MAGI2: variants seen among roughly 807,000 people sequenced by gnomAD.
MAGI2 encodes membrane associated guanylate kinase, WW and PDZ domain containing 2.
MAGI2 carries 35 observed loss-of-function variants against 133.3 expected under a neutral mutation model. That is an observed-to-expected ratio of 0.26 (90% CI 0.20 to 0.35). The LOEUF is 0.35. Ranked by LOEUF, MAGI2 falls within the 10% of genes least tolerant of loss-of-function variation. The pLI is 1.00. For missense variants in MAGI2, 1,636 were observed against 1,863.4 expected, an observed-to-expected ratio of 0.88 and a Z score of 2.25; for synonymous variants, 729 against 710.6, an observed-to-expected ratio of 1.03 and a Z score of -0.41.
At chr7:78,279,666 C>A (rs759866675) in intron 9 of MAGI2, among the ~76,000 whole-genome samples, 3 of 151,930 alleles carry the variant, frequency 2.0e-5, no homozygotes, top group Admixed American at 6.6e-5. Flanking sequence ...TGTTCAGATC[C>A]CTCTGAGTGG....
chr7:78,070,273 A>G (rs186787133), intron 21 of MAGI2, among the ~76,000 whole-genome samples: 42 of 145,134 alleles, frequency 2.9e-4, no homozygotes, highest in African/African-American at 9.9e-4. Flanking sequence ...ATCATTTTCT[A>G]TTACGCAGTG....
Position 78,986,680 on chromosome 7 carries a change from C to T in MAGI2, c.418+20410G>A, listed in dbSNP as rs552580125. The stretch of plus-strand genomic sequence containing the variant: ...GGGATTACAGGCATGAGCTACCATG[C>T]CCGGCCATATAGAGAACCCTAGAGT... On this transcript the variant is annotated intron_variant, in intron 2 of 21. Transcript: ENST00000354212. 5.9e-5 allele frequency among the ~76,000 whole-genome samples: 9 copies of T among 152,036 alleles called. No homozygotes were observed. The South Asian group carries it at 1.9e-3, about 32-fold the overall frequency.
At chr7:79,052,584 G>A (rs780517517) in intron 1 of MAGI2, among the ~76,000 whole-genome samples, 9 of 152,128 alleles carry the variant, frequency 5.9e-5, no homozygotes, top group Admixed American at 1.3e-4. Context: ...CAACTTGACC[G>A]CGTCGCTTGC....
rs186622849 is a variant in MAGI2, at chr7:78,996,296, C to T, written c.418+10794G>A. Among the ~76,000 whole-genome samples the T allele has an allele frequency of 5.6e-3, 852 of 152,226 alleles. 1 individual carries two copies. The highest frequency in any genetic ancestry group is 9.2e-3 in the Non-Finnish European group (625 of 68,030). ...TAAGATGTATGTCACCTAATGTTAA[C>T]TTTGTGGTCTAAACTGTTGAGCTAT... On this transcript the variant is annotated intron_variant, in intron 2 of 21. Transcript: ENST00000354212.
chr7:78,077,723 ATGT>A lies in MAGI2; in HGVS notation c.3706+1221_3706+1223del, dbSNP rs1336036299. Among the ~76,000 whole-genome samples the A allele has an allele frequency of 1.7e-4, 16 of 95,978 alleles. 1 individual carries two copies. The highest frequency in any genetic ancestry group is 7.2e-4 in the African/African-American group (14 of 19,426). 63.0% of individuals were successfully genotyped at this position (95,978 alleles called of 152,430 possible). On this transcript the variant is annotated intron_variant, in intron 21 of 21. Transcript: ENST00000354212. ...TCTGAAATGAAAAGTACTCTTTAGA[ATGT>A]TTTTTTTTTTTTTTTTTTTTGAGAC...
intron 2 of MAGI2, among the ~76,000 whole-genome samples, chr7:78,662,367 T>G (rs1467366140): frequency 6.6e-6 from 1 of 152,184 alleles, no homozygotes; most frequent in Admixed American, 6.5e-5. Flanking sequence ...TTTTCTTACT[T>G]CTATGTTGCT....
chr7:79,446,391 A>G (rs1848854563), intron 1 of MAGI2, among the ~76,000 whole-genome samples: 1 of 152,112 alleles, frequency 6.6e-6, no homozygotes, highest in African/African-American at 2.4e-5. Context: ...CTTCTGTAAC[A>G]TATCTGTGTT....
At chr7:79,304,203 C>CTGTCTGTGTG (rs1563096207) in intron 1 of MAGI2, among the ~76,000 whole-genome samples, 6 of 135,478 alleles carry the variant, frequency 4.4e-5, no homozygotes, top group South Asian at 2.4e-4. Context: ...GTGTGTGTGT[C>CTGTCTGTGTG]TGTGTGTGTG....
At chr7:78,921,629 C>A (rs1222518488) in intron 2 of MAGI2, among the ~76,000 whole-genome samples, 1 of 150,412 alleles carries the variant, frequency 6.6e-6, no homozygotes, top group African/African-American at 2.5e-5. Context: ...CACTTTTCAA[C>A]AGTTTTTTTT....
intron 2 of MAGI2, among the ~76,000 whole-genome samples, chr7:78,634,587 C>T (rs1809429239): frequency 6.6e-6 from 1 of 152,114 alleles, no homozygotes. Flanking sequence ...TGGTAATTTG[C>T]AGCTAAAGGT....
intron 6 of MAGI2, among the ~76,000 whole-genome samples, chr7:78,451,404 T>C (rs555729141): frequency 6.6e-5 from 10 of 152,242 alleles, no homozygotes; most frequent in African/African-American, 2.4e-4. Flanking sequence ...ATTAGAATAA[T>C]GCAGTGTCAG....
intron 9 of MAGI2, among the ~76,000 whole-genome samples, chr7:78,267,596 A>G (rs1562715588): frequency 1.3e-5 from 2 of 152,222 alleles, no homozygotes; most frequent in African/African-American, 4.8e-5. Flanking sequence ...AAGGAAGAAC[A>G]AAATTTGTCT....
chr7:78,623,670 A>G lies in MAGI2; in HGVS notation c.538+3450T>C, dbSNP rs150750213. On this transcript the variant is annotated intron_variant, in intron 3 of 21. Transcript: ENST00000354212. ...AGCCGCAATTTAGGCAAATGTCTCC[A>G]CCTAGATTGCCTTATAAATGCTAAT... 6.8e-3 allele frequency among the ~76,000 whole-genome samples: 1,037 copies of G among 152,230 alleles called. 14 individuals are homozygous for G. Among genetic ancestry groups the G allele is most frequent in the African/African-American group, 0.018 (764 of 41,558 alleles).
intron 20 of MAGI2, among the ~76,000 whole-genome samples, chr7:78,114,531 C>G (rs1379979659): frequency 1.3e-5 from 2 of 152,232 alleles, no homozygotes. Context: ...TGAAGAAGCT[C>G]CTCCCCAGTC....
At chr7:78,207,866 T>TTTG (rs879782333) in intron 10 of MAGI2, among the ~76,000 whole-genome samples, 2 of 152,192 alleles carry the variant, frequency 1.3e-5, no homozygotes, top group East Asian at 3.9e-4. Context: ...AGAATCCATT[T>TTTG]TTGTTGTTGT....
At chr7:78,623,437 A>G (rs1262317610) in intron 3 of MAGI2, among the ~76,000 whole-genome samples, 1 of 152,116 alleles carries the variant, frequency 6.6e-6, no homozygotes, top group African/African-American at 2.4e-5. Context: ...GTTATTTTCT[A>G]TGATTTACAG....
At chr7:78,394,917 A>G (rs1158069742) in intron 6 of MAGI2, among the ~76,000 whole-genome samples, 2 of 152,346 alleles carry the variant, frequency 1.3e-5, no homozygotes, top group East Asian at 3.9e-4. Context: ...TAATTTTATT[A>G]TTAACAAGGA....
At chr7:79,404,583 TG>T (rs1845681497) in intron 1 of MAGI2, among the ~76,000 whole-genome samples, 1 of 152,146 alleles carries the variant, frequency 6.6e-6, no homozygotes, top group Non-Finnish European at 1.5e-5. Context: ...CACACAAATT[TG>T]TATATTTCCC....
intron 1 of MAGI2, among the ~76,000 whole-genome samples, chr7:79,399,095 C>CTTTTTTTTTTTTATTTTTTTTTTTT (rs1845285581): frequency 9.4e-6 from 1 of 106,300 alleles, no homozygotes; most frequent in African/African-American, 4.0e-5. Flanking sequence ...TTTTTCTTTT[C>CTTTTTTTTTTTTATTTTTTTTTTTT]TTTTTTTTTT....
Sources: gnomAD v4.1 joint callset for allele counts (sites outside exome capture counted in the v4.1 genomes callset) on GRCh38, gnomAD v4.1.1 for gene constraint, MANE v1.5 for transcripts, NCBI Gene and HGNC (gene_info 2026-07-23, HGNC 2026-07-21) for gene names.